The following ZNF236 variants were observed in gnomAD, a reference collection of about 807,000 sequenced individuals.
ZNF236 encodes regulated by glucose.
In ZNF236, 50 loss-of-function variants were observed where a neutral mutation model predicts 191.2. That is an observed-to-expected ratio of 0.26 (90% CI 0.21 to 0.33). The LOEUF (loss-of-function observed/expected upper bound fraction) is 0.33. Ranked by LOEUF, ZNF236 falls within the 10% of genes least tolerant of loss-of-function variation. ZNF236 has a pLI of 1.00. For synonymous variants in ZNF236, 907 were observed against 928.8 expected (o/e 0.98, Z 0.43); for missense variants, 1,754 against 2,374.5 (o/e 0.74, Z 5.43).
At chr18:76,834,512 G>T in intron 1 of ZNF236, 1 of 473,148 alleles carries the variant, frequency 2.1e-6, no homozygotes, top group Non-Finnish European at 4.1e-6. Flanking sequence ...TTCCGTTCAA[G>T]GAGCATTTTG....
intron 1 of ZNF236, among the ~76,000 whole-genome samples, chr18:76,843,305 A>C (rs1022852003): frequency 6.6e-6 from 1 of 152,192 alleles, no homozygotes; most frequent in Admixed American, 6.5e-5. Context: ...TCTATTTCCA[A>C]ATATTTAATG....
chr18:76,971,390 G>T lies in ZNF236; in HGVS notation c.*3051G>T, dbSNP rs917125719. Reference sequence around the variant, plus strand: ...CATCTGACAGCTTGCAGCCAGGTCAGTGGGAGGCTCATCAAATGCCACTCT... The same window carrying T: ...CATCTGACAGCTTGCAGCCAGGTCATTGGGAGGCTCATCAAATGCCACTCT... On this transcript the variant is annotated 3_prime_UTR_variant, in exon 31 of 31. Coordinates refer to ENST00000320610, the MANE Select transcript of ZNF236 (RefSeq NM_001306089.2). 3.3e-5 allele frequency among the ~76,000 whole-genome samples: 5 copies of T among 152,230 alleles called. No homozygotes were observed. Among genetic ancestry groups the T allele is most frequent in the Non-Finnish European group, 4.4e-5 (3 of 68,040 alleles).
chr18:76,971,400 C>A lies in ZNF236; in HGVS notation c.*3061C>A, dbSNP rs1461273001. The stretch of plus-strand genomic sequence containing the variant: ...CTTGCAGCCAGGTCAGTGGGAGGCT[C>A]ATCAAATGCCACTCTCCTCTTCCTG... On this transcript the variant is annotated 3_prime_UTR_variant, in exon 31 of 31. Transcript: ENST00000320610. 6.6e-6 allele frequency among the ~76,000 whole-genome samples: 1 copy of A among 152,190 alleles called. No individual in the cohort carries two copies. The highest frequency in any genetic ancestry group is 2.4e-5 in the African/African-American group (1 of 41,450).
chr18:76,826,794 A>G (rs1975031140), intron 1 of ZNF236, among the ~76,000 whole-genome samples: 2 of 142,158 alleles, frequency 1.4e-5, no homozygotes, highest in South Asian at 2.3e-4. Context: ...AGGGAGACTC[A>G]GTCTCAAAAA....
chr18:76,876,276 A>C (rs1457507289), intron 6 of ZNF236, among the ~76,000 whole-genome samples: 1 of 152,228 alleles, frequency 6.6e-6, no homozygotes, highest in Non-Finnish European at 1.5e-5. Context: ...TTATTGATTT[A>C]TATTCTAATT....
intron 5 of ZNF236, among the ~76,000 whole-genome samples, chr18:76,874,603 A>G (rs976068965): frequency 6.6e-6 from 1 of 151,992 alleles, no homozygotes; most frequent in South Asian, 2.1e-4. Context: ...CAAGCAGAGA[A>G]GGGGGCTAGG....
intron 3 of ZNF236, among the ~76,000 whole-genome samples, chr18:76,854,861 G>A (rs1300097707): frequency 1.3e-5 from 2 of 152,110 alleles, no homozygotes; most frequent in Non-Finnish European, 2.9e-5. Context: ...CTCTTGCAGA[G>A]TTTAGGAATG....
At chr18:76,856,194 C>CTT (rs553661574) in intron 3 of ZNF236, among the ~76,000 whole-genome samples, 1 of 144,720 alleles carries the variant, frequency 6.9e-6, no homozygotes. Flanking sequence ...ATTTTCTTTT[C>CTT]TTTTTTTTTT....
intron 9 of ZNF236, among the ~76,000 whole-genome samples, chr18:76,884,425 C>T (rs1183047087): frequency 6.6e-6 from 1 of 151,222 alleles, no homozygotes; most frequent in Non-Finnish European, 1.5e-5. Flanking sequence ...AGAAATTTAT[C>T]GTGGTGAAAT....
At chr18:76,937,403 T>C (rs1049014692) in intron 26 of ZNF236, 60 bp downstream of exon 26, 5 of 1,409,414 alleles carry the variant, frequency 3.5e-6, no homozygotes, top group Non-Finnish European at 4.7e-6. Flanking sequence ...TTGAAAACAT[T>C]ATTCATTGAC....
Position 76,969,540 on chromosome 18 carries a change from C to T in ZNF236, c.*1201C>T, listed in dbSNP as rs763378440. 6.6e-6 allele frequency: 1 copy of T among 152,496 alleles called. No individual in the cohort carries two copies. Among genetic ancestry groups the T allele is most frequent in the Admixed American group, 6.5e-5 (1 of 15,276 alleles). The allele number at this position is 152,496 out of a possible 1,614,324, so 9.4% of individuals were successfully genotyped here. On this transcript the variant is annotated 3_prime_UTR_variant, in exon 31 of 31. Transcript: ENST00000320610. ...AAAGAGCGTCAGTTTCACCTCCCCA[C>T]GAGCACTTCAGATCAGTATTGTATT...
chr18:76,942,668 T>C lies in ZNF236; in HGVS notation c.4783-4853T>C, dbSNP rs765433003. 4.6e-3 allele frequency among the ~76,000 whole-genome samples: 696 copies of C among 150,926 alleles called. 10 individuals carry two copies. The highest frequency in any genetic ancestry group is 4.0e-3 in the Non-Finnish European group (271 of 67,640). On this transcript the variant is annotated intron_variant, in intron 26 of 30. Transcript: ENST00000320610. The stretch of plus-strand genomic sequence containing the variant: ...CTGGGACCACAGGCGCCCGCCACCA[T>C]GCCCGGCTACCTTTTTTGTTATTTT...
At chr18:76,941,162 C>G (rs927876998) in intron 26 of ZNF236, among the ~76,000 whole-genome samples, 2 of 152,104 alleles carry the variant, frequency 1.3e-5, no homozygotes, top group African/African-American at 4.8e-5. Context: ...CACCCAGGAG[C>G]CTTGTGAGCG....
intron 22 of ZNF236, 112 bp from the exon 23 acceptor site, chr18:76,926,925 A>T: frequency 8.0e-7 from 1 of 1,256,858 alleles, no homozygotes; most frequent in Non-Finnish European, 1.1e-6. Flanking sequence ...CATTGTATTG[A>T]CATAATGTGT....
At chr18:76,826,815 G>A (rs1388475972) in intron 1 of ZNF236, among the ~76,000 whole-genome samples, 4 of 145,836 alleles carry the variant, frequency 2.7e-5, no homozygotes, top group African/African-American at 1.0e-4. Context: ...AAAAAAAAAA[G>A]CATGCATTTT....
intron 26 of ZNF236, among the ~76,000 whole-genome samples, chr18:76,941,110 G>A (rs1164736524): frequency 6.6e-6 from 1 of 152,128 alleles, no homozygotes. Context: ...AGTCTTCCTG[G>A]TTCCAAAAAG....
At chr18:76,895,411 A>G (rs957444329) in intron 10 of ZNF236, 126 bp downstream of exon 10, 10 of 1,312,686 alleles carry the variant, frequency 7.6e-6, no homozygotes, top group Non-Finnish European at 9.4e-6. Context: ...AGTACTGCTC[A>G]CAGGGACTGC....
intron 1 of ZNF236, among the ~76,000 whole-genome samples, chr18:76,841,845 C>A (rs1385226899): frequency 6.6e-6 from 1 of 152,132 alleles, no homozygotes; most frequent in Non-Finnish European, 1.5e-5. Flanking sequence ...AGGCACGGGC[C>A]ACCACGCCAG....
intron 5 of ZNF236, among the ~76,000 whole-genome samples, chr18:76,873,882 C>G (rs951793894): frequency 6.6e-6 from 1 of 150,686 alleles, no homozygotes; most frequent in African/African-American, 2.4e-5. Flanking sequence ...CTCCTGCCCC[C>G]CTGTCGTCCT....
Sources: gnomAD v4.1 joint callset for allele counts (sites outside exome capture counted in the v4.1 genomes callset) on GRCh38, gnomAD v4.1.1 for gene constraint, MANE v1.5 for transcripts, NCBI Gene and HGNC (gene_info 2026-07-23, HGNC 2026-07-21) for gene names.